Variants in SGCD observed in about 807,000 individuals in gnomAD.
SGCD encodes the protein sarcoglycan delta, also known as delta-sarcoglycan.
SGCD carries 18 observed loss-of-function variants against 36.6 expected under a neutral mutation model. The observed-to-expected ratio is 0.49, with a 90% CI of 0.34 to 0.73. The LOEUF is 0.73. SGCD is among the 30% of genes least tolerant of loss of function. The pLI is 0.01. For missense variants in SGCD, 387 were observed against 346.7 expected, an observed-to-expected ratio of 1.12 and a Z score of -0.92; for synonymous variants, 133 against 130.6, an observed-to-expected ratio of 1.02 and a Z score of -0.12.
intron 1 of SGCD, among the ~76,000 whole-genome samples, chr5:156,090,184 C>T (rs989710041): frequency 6.6e-6 from 1 of 152,124 alleles, no homozygotes; most frequent in African/African-American, 2.4e-5. Flanking sequence ...GCTAAAATTC[C>T]CACTGGGTGT....
At chr5:156,329,251 G>A (rs1196202749) in intron 1 of SGCD, among the ~76,000 whole-genome samples, 1 of 152,180 alleles carries the variant, frequency 6.6e-6, no homozygotes. Context: ...GGTGGAGGGA[G>A]GAGCCCTTGG....
the SGCD span, among the ~76,000 whole-genome samples, chr5:155,746,783 G>C: frequency 6.6e-6 from 1 of 152,138 alleles, no homozygotes; most frequent in Non-Finnish European, 1.5e-5. Flanking sequence ...CCCCAGGAAG[G>C]TCATATAGCA....
intron 1 of SGCD, among the ~76,000 whole-genome samples, chr5:156,024,996 C>T (rs1300792436): frequency 2.0e-5 from 3 of 151,748 alleles, no homozygotes; most frequent in Non-Finnish European, 2.9e-5. Context: ...AAAGCTGTGG[C>T]CAATAAGTTG....
At chr5:156,135,680 A>G (rs934359400) in intron 3 of SGCD, among the ~76,000 whole-genome samples, 9 of 152,198 alleles carry the variant, frequency 5.9e-5, no homozygotes, top group African/African-American at 2.2e-4. Context: ...GACTTAATCT[A>G]TTAGGCTTCA....
In SGCD at chr5:156,681,472, G is replaced by T. The variant is rs368182967; in HGVS notation, c.575+33936G>T. Among the ~76,000 whole-genome samples the T allele has an allele frequency of 1.6e-4, 24 of 152,276 alleles. No individual in the cohort carries two copies. The East Asian group carries it at 3.9e-3, about 24-fold the overall frequency. On this transcript the variant is annotated intron_variant, in intron 7 of 8. Transcript: ENST00000337851. Reference sequence around the variant, plus strand: ...TTTTATGGGCACAGGATAGGGGTGGGCCAGGCCAAAAGCAGTATTTGGATG... The same window carrying T: ...TTTTATGGGCACAGGATAGGGGTGGTCCAGGCCAAAAGCAGTATTTGGATG...
chr5:155,728,404 C>G, the SGCD span, among the ~76,000 whole-genome samples: 1 of 152,172 alleles, frequency 6.6e-6, no homozygotes, highest in Non-Finnish European at 1.5e-5. Context: ...TGGTCCCAGG[C>G]GAGCCTGGCG....
intron 7 of SGCD, among the ~76,000 whole-genome samples, chr5:156,723,898 G>C (rs968545791): frequency 2.6e-5 from 4 of 151,870 alleles, no homozygotes; most frequent in Non-Finnish European, 4.4e-5. Flanking sequence ...TGCATAATAT[G>C]AGCAAATTTG....
chr5:156,614,197 G>A (rs1376773506), intron 6 of SGCD, among the ~76,000 whole-genome samples: 5 of 152,054 alleles, frequency 3.3e-5, no homozygotes, highest in African/African-American at 7.2e-5. Flanking sequence ...TACCTGCCTC[G>A]GCCTCACAAA....
chr5:156,300,314 T>C (rs933382632), intron 3 of SGCD, among the ~76,000 whole-genome samples: 2 of 152,038 alleles, frequency 1.3e-5, no homozygotes, highest in African/African-American at 2.4e-5. Context: ...TTTGGTATAT[T>C]GTTTTTTCAT....
At chr5:156,057,182 G>A (rs911566736) in intron 1 of SGCD, among the ~76,000 whole-genome samples, 1 of 146,322 alleles carries the variant, frequency 6.8e-6, no homozygotes, top group Non-Finnish European at 1.5e-5. Context: ...AATATATCTT[G>A]CATTATAGTA....
the SGCD span, among the ~76,000 whole-genome samples, chr5:155,840,037 T>C: frequency 1.3e-5 from 2 of 152,070 alleles, no homozygotes; most frequent in Non-Finnish European, 2.9e-5. Flanking sequence ...TGAATTGCAA[T>C]TATTGGTTTA....
the SGCD span, among the ~76,000 whole-genome samples, chr5:155,814,839 CA>C: frequency 6.6e-6 from 1 of 152,064 alleles, no homozygotes; most frequent in Non-Finnish European, 1.5e-5. Context: ...GGAAAAGTTT[CA>C]ACAAAAGTCA....
chr5:156,282,905 G>A (rs1581216677), intron 3 of SGCD, among the ~76,000 whole-genome samples: 1 of 152,148 alleles, frequency 6.6e-6, no homozygotes, highest in East Asian at 1.9e-4. Context: ...TGATCCAACT[G>A]GTAAATATCT....
At chr5:156,135,233 TTTTA>T (rs1197193935) in intron 3 of SGCD, among the ~76,000 whole-genome samples, 2 of 152,196 alleles carry the variant, frequency 1.3e-5, no homozygotes, top group African/African-American at 2.4e-5. Flanking sequence ...TGGTTTGGGT[TTTTA>T]TTTGCTGTCC....
chr5:156,728,617 G>A lies in SGCD; in HGVS notation c.576-28964G>A, dbSNP rs373789169. On this transcript the variant is annotated intron_variant, in intron 7 of 8. Coordinates refer to ENST00000337851, the MANE Select transcript of SGCD (RefSeq NM_000337.6). ...CAGTGCCCCCCCACCACCACCCCAA[G>A]ATAAGACTTTTTAAAATAGTGGCTA... 5.5e-4 allele frequency among the ~76,000 whole-genome samples: 81 copies of A among 146,062 alleles called. 3 individuals are homozygous for A. In the South Asian group the frequency reaches 0.018, roughly 32 times the overall value.
intron 3 of SGCD, among the ~76,000 whole-genome samples, chr5:156,253,865 T>C (rs1441958396): frequency 2.0e-5 from 3 of 152,166 alleles, no homozygotes; most frequent in Admixed American, 2.0e-4. Flanking sequence ...AAATCAATGT[T>C]TTCCCTAACT....
chr5:155,811,886 A>G, the SGCD span, among the ~76,000 whole-genome samples: 5 of 152,146 alleles, frequency 3.3e-5, no homozygotes, highest in African/African-American at 1.2e-4. Context: ...ATTCTTTAAC[A>G]TAACATTTGT....
At chr5:156,554,566 AC>A (rs1310833110) in intron 4 of SGCD, among the ~76,000 whole-genome samples, 1 of 150,268 alleles carries the variant, frequency 6.7e-6, no homozygotes. Context: ...TCTATGTTTA[AC>A]CAAAAAAAAG....
At chr5:156,672,622 G>A (rs1354058581) in intron 7 of SGCD, among the ~76,000 whole-genome samples, 5 of 152,188 alleles carry the variant, frequency 3.3e-5, no homozygotes, top group South Asian at 2.1e-4. Context: ...AACTTCCAAA[G>A]CATTGTTGAC....
Sources: gnomAD v4.1 joint callset for allele counts (sites outside exome capture counted in the v4.1 genomes callset) on GRCh38, gnomAD v4.1.1 for gene constraint, MANE v1.5 for transcripts, NCBI Gene and HGNC (gene_info 2026-07-23, HGNC 2026-07-21) for gene names.